Variants in COL5A2 observed in about 807,000 individuals in gnomAD.
COL5A2 encodes the protein collagen alpha-2(V) chain.
COL5A2 carries 23 observed loss-of-function variants against 208.2 expected under a neutral mutation model. The observed-to-expected ratio is 0.11, with a 90% CI of 0.08 to 0.16. The LOEUF is 0.16. Among genes scored for constraint, COL5A2 ranks in the 10% least tolerant of loss-of-function variants. The pLI is 1.00. For missense variants in COL5A2, 1,590 were observed against 1,956.4 expected (o/e 0.81, Z 3.53); for synonymous variants, 625 against 628.5 (o/e 0.99, Z 0.08).
intron 2 of COL5A2, among the ~76,000 whole-genome samples, chr2:189,108,325 C>A (rs72908321): frequency 0.13 from 19,901 of 151,672 alleles, 1,336 homozygotes; most frequent in Middle Eastern, 0.19. Flanking sequence ...ACAATAACCC[C>A]ACAGAAATGC....
chr2:189,438,053 C>T, the COL5A2 span, among the ~76,000 whole-genome samples: 1 of 150,712 alleles, frequency 6.6e-6, no homozygotes, highest in East Asian at 1.9e-4. Flanking sequence ...AAGAAGATAA[C>T]CAATAAAGCA....
chr2:189,160,672 T>C (rs1284279607), intron 1 of COL5A2, among the ~76,000 whole-genome samples: 1 of 152,090 alleles, frequency 6.6e-6, no homozygotes, highest in Non-Finnish European at 1.5e-5. Flanking sequence ...AATCAATAAA[T>C]TGCCAAAAAA....
At chr2:189,386,117 A>C in the COL5A2 span, among the ~76,000 whole-genome samples, 1 of 152,152 alleles carries the variant, frequency 6.6e-6, no homozygotes, top group Admixed American at 6.6e-5. Context: ...CCTATGTTTC[A>C]ATTATCTCCA....
At chr2:189,207,901 T>A (rs1000201825) in intron 1 of COL5A2, among the ~76,000 whole-genome samples, 2 of 152,204 alleles carry the variant, frequency 1.3e-5, no homozygotes, top group Non-Finnish European at 2.9e-5. Flanking sequence ...TGATCGCTAC[T>A]CTTGCCATTT....
the COL5A2 span, among the ~76,000 whole-genome samples, chr2:189,424,394 T>C: frequency 6.6e-6 from 1 of 152,166 alleles, no homozygotes; most frequent in African/African-American, 2.4e-5. Flanking sequence ...TTGTCTCTAT[T>C]TGCAGATGAC....
chr2:189,251,112 A>T, the COL5A2 span, among the ~76,000 whole-genome samples: 1 of 151,908 alleles, frequency 6.6e-6, no homozygotes, highest in African/African-American at 2.4e-5. Flanking sequence ...ACAGCACTCA[A>T]ATTGATGGGG....
chr2:189,365,278 T>C, the COL5A2 span, among the ~76,000 whole-genome samples: 2 of 152,366 alleles, frequency 1.3e-5, no homozygotes, highest in African/African-American at 4.8e-5. Context: ...TCGCAGTTGC[T>C]TTCTACTCAC....
At chr2:189,077,761 T>C (rs1163223176) in intron 16 of COL5A2, among the ~76,000 whole-genome samples, 1 of 152,096 alleles carries the variant, frequency 6.6e-6, no homozygotes, top group African/African-American at 2.4e-5. Context: ...GAGGTGGTTG[T>C]CCTCTATGGG....
chr2:189,245,104 C>T, the COL5A2 span, among the ~76,000 whole-genome samples: 1 of 152,184 alleles, frequency 6.6e-6, no homozygotes. Context: ...GTCCTTTCCA[C>T]AACACATGGG....
intron 41 of COL5A2, 147 bp from the exon 42 acceptor site, chr2:189,051,628 T>TAAACA (rs897246552): frequency 3.2e-6 from 2 of 626,442 alleles, no homozygotes; most frequent in Non-Finnish European, 4.9e-6. Flanking sequence ...CTATAGGATT[T>TAAACA]AAACAAAACA....
the COL5A2 span, among the ~76,000 whole-genome samples, chr2:189,271,485 T>C: frequency 6.6e-6 from 1 of 152,164 alleles, no homozygotes; most frequent in Admixed American, 6.5e-5. Context: ...ACCCCTTCCT[T>C]ACACCATATA....
chr2:189,357,429 T>C, the COL5A2 span, among the ~76,000 whole-genome samples: 775 of 152,296 alleles, frequency 5.1e-3, 7 homozygotes, highest in South Asian at 8.7e-3. Flanking sequence ...AGGAGGAATC[T>C]AGAGAGGCAG....
chr2:189,082,873 T>A (rs1182992162), intron 12 of COL5A2, among the ~76,000 whole-genome samples: 1 of 152,190 alleles, frequency 6.6e-6, no homozygotes, highest in Non-Finnish European at 1.5e-5. Flanking sequence ...CTAAACCTCA[T>A]GTCTCTGTCT....
chr2:189,336,337 T>C, the COL5A2 span, among the ~76,000 whole-genome samples: 28 of 152,308 alleles, frequency 1.8e-4, no homozygotes, highest in Middle Eastern at 3.4e-3. Context: ...CAATTTAACA[T>C]AGGGTTCTGT....
intron 1 of COL5A2, among the ~76,000 whole-genome samples, chr2:189,186,152 A>T (rs564017129): frequency 1.3e-4 from 20 of 151,982 alleles, no homozygotes; most frequent in Non-Finnish European, 2.4e-4. Context: ...GCACCATCAC[A>T]ATCAGCTATT....
At chr2:189,122,387 C>G (rs1328245850) in intron 1 of COL5A2, among the ~76,000 whole-genome samples, 3 of 151,936 alleles carry the variant, frequency 2.0e-5, no homozygotes, top group Non-Finnish European at 4.4e-5. Context: ...AGGCAGGGAA[C>G]CACCTAAAAC....
At chr2:189,254,157 A>T in the COL5A2 span, among the ~76,000 whole-genome samples, 3 of 152,346 alleles carry the variant, frequency 2.0e-5, no homozygotes, top group South Asian at 6.2e-4. Flanking sequence ...TTCTCTGTTG[A>T]TTGCCCTTGG....
At chr2:189,325,184 G>T in the COL5A2 span, among the ~76,000 whole-genome samples, 3 of 151,960 alleles carry the variant, frequency 2.0e-5, no homozygotes, top group Admixed American at 6.6e-5. Context: ...GGGGAAGGGG[G>T]AGGGATAGCA....
At chr2:189,276,096 T>A in the COL5A2 span, among the ~76,000 whole-genome samples, 1 of 152,224 alleles carries the variant, frequency 6.6e-6, no homozygotes, top group Non-Finnish European at 1.5e-5. Flanking sequence ...TGGTTTAGAC[T>A]AATAACTATC....
Sources: gnomAD v4.1 joint callset for allele counts (sites outside exome capture counted in the v4.1 genomes callset) on GRCh38, gnomAD v4.1.1 for gene constraint, MANE v1.5 for transcripts, NCBI Gene and HGNC (gene_info 2026-07-23, HGNC 2026-07-21) for gene names.